GRM7: variants seen among roughly 807,000 people sequenced by gnomAD.
GRM7 encodes glutamate metabotropic receptor 7.
GRM7 carries 35 observed loss-of-function variants against 84.5 expected under a neutral mutation model. The observed-to-expected ratio is 0.41, with a 90% CI of 0.32 to 0.55. The LOEUF (loss-of-function observed/expected upper bound fraction) is 0.55. Among genes scored for constraint, GRM7 ranks in the 20% least tolerant of loss-of-function variants. The pLI is 0.19. For missense variants in GRM7, 1,003 were observed against 1,194.6 expected, an observed-to-expected ratio of 0.84 and a Z score of 2.36; for synonymous variants, 487 against 455.1, an observed-to-expected ratio of 1.07 and a Z score of -0.89.
chr3:7,244,792 G>T lies in GRM7; in HGVS notation c.737-53892G>T, dbSNP rs80238742. Among the ~76,000 whole-genome samples the T allele has an allele frequency of 2.5e-3, 385 of 152,066 alleles. 2 individuals carry two copies. Among genetic ancestry groups the T allele is most frequent in the Non-Finnish European group, 4.6e-3 (312 of 67,938 alleles). Reference sequence around the variant, plus strand: ...AATCAAAAAATATCCATCATAAGAAGTGAGAAACATTCGACTCAAAAACAA... The same window carrying T: ...AATCAAAAAATATCCATCATAAGAATTGAGAAACATTCGACTCAAAAACAA... On this transcript the variant is annotated intron_variant, in intron 2 of 9. Transcript: ENST00000357716.
At chr3:7,685,606 G>T (rs1342872103) in intron 9 of GRM7, among the ~76,000 whole-genome samples, 3 of 152,028 alleles carry the variant, frequency 2.0e-5, no homozygotes, top group African/African-American at 4.8e-5. Context: ...CATGTTAGAA[G>T]AATAACAATT....
chr3:7,188,534 C>G lies in GRM7; in HGVS notation c.736+41866C>G, dbSNP rs182108382. ...CCTCAAAACCTAAAATATTTACTAT[C>G]TAGAAATTTACAAAAAATGTTGCCT... On this transcript the variant is annotated intron_variant, in intron 2 of 9. Coordinates refer to ENST00000357716, the MANE Select transcript of GRM7 (RefSeq NM_000844.4). This position sits in a 1 kb window ranked among gnomAD's most constrained non-coding sequence, Gnocchi z 4.2. 7.2e-5 allele frequency among the ~76,000 whole-genome samples: 11 copies of G among 152,112 alleles called. No homozygotes were observed. The highest frequency in any genetic ancestry group is 7.2e-4 in the Admixed American group (11 of 15,282).
At chr3:7,089,362 A>G (rs1351001576) in intron 1 of GRM7, among the ~76,000 whole-genome samples, 1 of 152,226 alleles carries the variant, frequency 6.6e-6, no homozygotes, top group African/African-American at 2.4e-5. Flanking sequence ...GTTGTTTTGT[A>G]TATCCAGTTT....
At chr3:7,286,376 A>G (rs7635212) in intron 2 of GRM7, among the ~76,000 whole-genome samples, 50,261 of 152,062 alleles carry the variant, frequency 0.33, 10,057 homozygotes, top group East Asian at 0.51. Context: ...TATGATATCC[A>G]CAAATATTCA....
chr3:7,273,763 G>A (rs1698952482), intron 2 of GRM7, among the ~76,000 whole-genome samples: 2 of 152,082 alleles, frequency 1.3e-5, no homozygotes, highest in South Asian at 2.1e-4. Flanking sequence ...GTGTGTTTGT[G>A]TGTGTGTGCT....
At chr3:6,902,850 T>TACACACACACACACACACACAC (rs34849112) in intron 1 of GRM7, among the ~76,000 whole-genome samples, 2 of 134,432 alleles carry the variant, frequency 1.5e-5, no homozygotes, top group Non-Finnish European at 3.4e-5. Context: ...AACAGACTCC[T>TACACACACACACACACACACAC]ACACACACAC....
At chr3:7,235,287 T>G (rs1234036791) in intron 2 of GRM7, among the ~76,000 whole-genome samples, 1 of 152,198 alleles carries the variant, frequency 6.6e-6, no homozygotes, top group African/African-American at 2.4e-5. Context: ...CTCCTATAAA[T>G]AGCATTTTTC....
At chr3:7,608,245 C>T (rs185618391) in intron 8 of GRM7, among the ~76,000 whole-genome samples, 106 of 152,224 alleles carry the variant, frequency 7.0e-4, no homozygotes, top group African/African-American at 2.4e-3. Flanking sequence ...CATGTATAAA[C>T]CCAGTAATGA....
rs114056942 is a variant in GRM7 at position 7,602,755 on chromosome 3, G to T, written c.2451+23398G>T. 2.5e-3 allele frequency among the ~76,000 whole-genome samples: 384 copies of T among 152,256 alleles called. 3 individuals carry two copies. Among genetic ancestry groups the T allele is most frequent in the African/African-American group, 9.1e-3 (377 of 41,560 alleles). ...TTTTTGGAAGTTAGAATTCTCTAAG[G>T]TAGGCTGGTAGTCAATGAGGAATTC... On this transcript the variant is annotated intron_variant, in intron 8 of 9. Transcript: ENST00000357716.
Position 7,656,985 on chromosome 3 carries a change from TA to T in GRM7, c.2452-23063del, listed in dbSNP as rs1298577355. Among the ~76,000 whole-genome samples the T allele has an allele frequency of 1.3e-5, 2 of 152,188 alleles. 1 individual carries two copies. On this transcript the variant is annotated intron_variant, in intron 8 of 9. Coordinates refer to ENST00000357716, the MANE Select transcript of GRM7 (RefSeq NM_000844.4). ...ATTTACTTTGAGTGAAGTACAAACA[TA>T]TTTTTAAATCAACAGAGGAAAATCT...
At chr3:7,397,233 C>T (rs1405549018) in intron 4 of GRM7, among the ~76,000 whole-genome samples, 1 of 152,168 alleles carries the variant, frequency 6.6e-6, no homozygotes, top group East Asian at 1.9e-4. Flanking sequence ...GGTGACTCGT[C>T]ATCCAGACAT....
chr3:7,307,305 T>C (rs1033282163), intron 4 of GRM7, among the ~76,000 whole-genome samples: 21 of 152,330 alleles, frequency 1.4e-4, no homozygotes, highest in African/African-American at 4.8e-4. Context: ...TTATAAGTTA[T>C]GTTATTCTTT....
chr3:6,930,708 C>T (rs1009801970), intron 1 of GRM7, among the ~76,000 whole-genome samples: 2 of 152,102 alleles, frequency 1.3e-5, no homozygotes, highest in Non-Finnish European at 2.9e-5. Context: ...CAAGGAGTAT[C>T]GTCAGCCAGA....
intron 5 of GRM7, among the ~76,000 whole-genome samples, chr3:7,431,098 G>A (rs573283229): frequency 6.6e-6 from 1 of 151,960 alleles, no homozygotes; most frequent in Non-Finnish European, 1.5e-5. Flanking sequence ...ATCTTCAGCC[G>A]GCACTCATGA....
chr3:6,951,999 A>G (rs1237141396), intron 1 of GRM7, among the ~76,000 whole-genome samples: 1 of 152,130 alleles, frequency 6.6e-6, no homozygotes, highest in East Asian at 1.9e-4. Flanking sequence ...GCCTGATTTA[A>G]TGTAACCACT....
chr3:7,288,903 G>A (rs1160587635), intron 2 of GRM7, among the ~76,000 whole-genome samples: 1 of 152,084 alleles, frequency 6.6e-6, no homozygotes. Context: ...CTGATTTGAA[G>A]TTTTCTGGAT....
intron 9 of GRM7, among the ~76,000 whole-genome samples, chr3:7,701,561 C>G (rs1229073171): frequency 2.0e-5 from 3 of 152,070 alleles, no homozygotes; most frequent in African/African-American, 4.8e-5. Context: ...CCTCGGCCCC[C>G]CAAAGTGCGG....
Position 7,083,884 on chromosome 3 carries a change from G to A in GRM7, c.520-62568G>A, listed in dbSNP as rs112054160. 6.7e-3 allele frequency among the ~76,000 whole-genome samples: 1,023 copies of A among 152,248 alleles called. 9 individuals are homozygous for A. The highest frequency in any genetic ancestry group is 0.023 in the African/African-American group (953 of 41,550). On this transcript the variant is annotated intron_variant, in intron 1 of 9. Coordinates refer to ENST00000357716, the MANE Select transcript of GRM7 (RefSeq NM_000844.4). ...CCAAAATGTGGAGGCTGAGTGTTAC[G>A]AGGTAGAAACACCAGCAACCTGAGT...
chr3:6,979,888 T>G (rs185447587), intron 1 of GRM7, among the ~76,000 whole-genome samples: 14 of 152,286 alleles, frequency 9.2e-5, no homozygotes, highest in Admixed American at 7.8e-4. Flanking sequence ...TGATTGCCAT[T>G]TTCTTCTTTT....
Sources: gnomAD v4.1 joint callset for allele counts (sites outside exome capture counted in the v4.1 genomes callset) on GRCh38, gnomAD v4.1.1 for gene constraint, Gnocchi (gnomAD v3.1) non-coding constraint, MANE v1.5 for transcripts, NCBI Gene and HGNC (gene_info 2026-07-23, HGNC 2026-07-21) for gene names.